Variants in SIGLEC1 observed in about 807,000 individuals in gnomAD.
The protein encoded by SIGLEC1 is sialoadhesin.
SIGLEC1 carries 132 observed loss-of-function variants against 148.0 expected under a neutral mutation model. The observed-to-expected ratio is 0.89, with a 90% CI of 0.77 to 1.03. SIGLEC1 has a LOEUF of 1.03. SIGLEC1 is among the 50% of genes least tolerant of loss of function. The pLI, the probability that SIGLEC1 is intolerant of heterozygous loss-of-function variation, is 0.00. For missense variants in SIGLEC1, 2,253 were observed against 2,271.4 expected (o/e 0.99, Z 0.16); for synonymous variants, 945 against 969.0 (o/e 0.98, Z 0.46).
chr20:3,708,438 GAA>G (rs58231262), intron 1 of SIGLEC1, among the ~76,000 whole-genome samples: 1 of 146,772 alleles, frequency 6.8e-6, no homozygotes, highest in African/African-American at 2.5e-5. Context: ...TTAAAAGCAC[GAA>G]AAAAAAAAAT....
chr20:3,702,640 G>T (rs2087861091), intron 6 of SIGLEC1, among the ~76,000 whole-genome samples: 1 of 151,926 alleles, frequency 6.6e-6, no homozygotes, highest in African/African-American at 2.4e-5. Flanking sequence ...CATGATCATT[G>T]CATTGTGGAT....
In SIGLEC1 at chr20:3,697,905, A is replaced by C; in HGVS notation, c.2015T>G (p.Leu672Arg). The change falls in exon 9 of 22, where the codon CTG becomes CGG. Residue 672 changes from leucine (L) to arginine (R), a missense_variant. Coordinates refer to ENST00000344754, the MANE Select transcript of SIGLEC1 (RefSeq NM_023068.4). ...RMKVTKAPNL[L>R]RVEIHNPLLE... ...CAAAGGGTTGTGAATCTCCACACGCAGCAAGTTGGGGGCTTTGGTGACCTT... is the reference window on the plus strand; with the variant it reads ...CAAAGGGTTGTGAATCTCCACACGCCGCAAGTTGGGGGCTTTGGTGACCTT... 6.2e-7 allele frequency: 1 copy of C among 1,613,130 alleles called. No homozygotes were observed. Among genetic ancestry groups the C allele is most frequent in the South Asian group, 1.1e-5 (1 of 91,080 alleles).
Position 3,693,498 on chromosome 20 carries a change from G to A in SIGLEC1, c.3457C>T (p.Pro1153Ser). The A allele has an allele frequency of 1.4e-5, 22 of 1,608,408 alleles. No individual in the cohort carries two copies. The highest frequency in any genetic ancestry group is 1.9e-5 in the Non-Finnish European group (22 of 1,176,950). Reference protein sequence around the residue: ...DATSYRCGVGPPGRAPRLSRP... With the variant: ...DATSYRCGVGSPGRAPRLSRP... ...GAGAGGCGGGGTGCCCGACCAGGGG[G>A]GCCCACACCGCAGCGGTAGGAGGTG... Residue 1153 changes from proline (P) to serine (S), a missense_variant, in exon 14 of 22, where the codon CCC (proline) becomes TCC (serine). Coordinates refer to ENST00000344754, the MANE Select transcript of SIGLEC1 (RefSeq NM_023068.4).
intron 21 of SIGLEC1, 55 bp from the exon 22 acceptor site, chr20:3,688,674 C>T: frequency 2.1e-6 from 3 of 1,399,872 alleles, no homozygotes; most frequent in East Asian, 2.5e-5. Context: ...AGGGCAGGCC[C>T]CCAGGCCCCC....
Position 3,706,451 on chromosome 20 carries a change from A to G in SIGLEC1, c.305T>C (p.Leu102Pro), listed in dbSNP as rs1229315511. Residue 102 changes from leucine to proline, a missense_variant, in exon 3 of 22, where the codon CTG becomes CCG. Leu to Pro is a moderately conservative substitution (Grantham distance 98, BLOSUM62 -3). Transcript: ENST00000344754. ...NPEHRVCNLL[L>P]KDLQPEDSGS... is the part of the protein sequence containing the mutation. ...AGAGTCCTCGGGCTGCAGGTCCTTC[A>G]GCAGCAGGTTGCACACCCTGTGCTC... 6.2e-7 allele frequency: 1 copy of G among 1,613,982 alleles called. No individual in the cohort carries two copies. The highest frequency in any genetic ancestry group is 8.5e-7 in the Non-Finnish European group (1 of 1,180,028).
intron 9 of SIGLEC1, 108 bp downstream of exon 9, chr20:3,697,690 C>A: frequency 2.0e-6 from 2 of 981,888 alleles, no homozygotes; most frequent in East Asian, 2.6e-5. Flanking sequence ...CAGCGAAGGG[C>A]CCCCACTGCT....
At position 3,694,758 on chromosome 20, in the gene SIGLEC1, A is replaced by T. The variant is rs1303991043; in HGVS notation, c.2849T>A (p.Ile950Lys). ...STSATLRFAA[I>K]TLTQAGAYHC... ...ATAGGCCCCAGCTTGTGTCAAAGTT[A>T]TGGCTGCAAAGCGGAGCGTGGCCGA... The change falls in exon 12 of 22, where the codon ATA (isoleucine) becomes AAA (lysine). Residue 950 changes from isoleucine to lysine, a missense_variant. Transcript: ENST00000344754. 1 of 1,613,724 alleles carries T rather than the reference A, an allele frequency of 6.2e-7. No individual in the cohort carries two copies.
intron 1 of SIGLEC1, among the ~76,000 whole-genome samples, chr20:3,711,527 C>T (rs1382442252): frequency 3.3e-5 from 5 of 152,184 alleles, no homozygotes; most frequent in East Asian, 1.9e-4. Flanking sequence ...AGGCTTCTCC[C>T]CAACTTCCCC....
chr20:3,696,689 C>T lies in SIGLEC1; in HGVS notation c.2580G>A (p.Lys860=). 6.2e-7 allele frequency: 1 copy of T among 1,613,816 alleles called. No individual in the cohort carries two copies. Among genetic ancestry groups the T allele is most frequent in the African/African-American group, 1.3e-5 (1 of 75,070 alleles). ...CAAGGCCCAGTTCTCGGACCTCTAA[C>T]TTCAGGGAGTTGGCCTCAGCTTTAG... ...FQAKAEANSL[K]LEVRELGLGD... Residue 860 remains lysine, a synonymous_variant, in exon 11 of 22, where the codon AAG becomes AAA. Transcript: ENST00000344754.
intron 6 of SIGLEC1, among the ~76,000 whole-genome samples, chr20:3,702,348 G>A (rs1439892368): frequency 1.3e-5 from 2 of 152,184 alleles, no homozygotes; most frequent in Admixed American, 1.3e-4. Context: ...TACTTTGGGA[G>A]GCCGAGGTAG....
At position 3,689,618 on chromosome 20, in the gene SIGLEC1, C is replaced by A; in HGVS notation, c.4979G>T (p.Gly1660Val). Residue 1660 changes from glycine to valine, a missense_variant, in exon 20 of 22, where the codon GGG becomes GTG. Physicochemically the swap from Gly to Val is moderately radical, Grantham distance 109. Transcript: ENST00000344754. ...VGLLLLLLGL[G>V]ACYTWRRRRV... ...GACCCACCTCCAGGTGTAGCAGGCC[C>A]CCAGGCCCAACAGCAGGAGCAGGAG... 1 of 1,583,848 alleles carries A rather than the reference C, an allele frequency of 6.3e-7. No homozygotes were observed. The highest frequency in any genetic ancestry group is 8.6e-7 in the Non-Finnish European group (1 of 1,165,026).
chr20:3,694,306 A>G lies in SIGLEC1; in HGVS notation c.3171T>C (p.Ala1057=). ...TATAGACACCCTCATCCTCCAGCATAGCCCCGTGGATCTCCAGACGCAGTG... is the reference window on the plus strand; with the variant it reads ...TATAGACACCCTCATCCTCCAGCATGGCCCCGTGGATCTCCAGACGCAGTG... ...PNTLRLEIHG[A]MLEDEGVYIC... Residue 1057 remains alanine, a synonymous_variant, in exon 13 of 22, where the codon GCT becomes GCC. Transcript: ENST00000344754. The G allele has an allele frequency of 1.2e-6, 2 of 1,613,052 alleles. No homozygotes were observed. Among genetic ancestry groups the G allele is most frequent in the Non-Finnish European group, 1.7e-6 (2 of 1,179,998 alleles).
At chr20:3,703,560 A>C (rs1364750276) in intron 5 of SIGLEC1, 109 bp from the exon 6 acceptor site, 1 of 1,356,944 alleles carries the variant, frequency 7.4e-7, no homozygotes, top group Non-Finnish European at 9.9e-7. Context: ...CACATCCTAC[A>C]CCACCCGCCT....
Position 3,688,574 on chromosome 20 carries a change from G to A in SIGLEC1, c.5116C>T (p.Pro1706Ser), listed in dbSNP as rs368614002. 4.4e-6 allele frequency: 7 copies of A among 1,601,392 alleles called. No homozygotes were observed. Among genetic ancestry groups the A allele is most frequent in the Non-Finnish European group, 6.0e-6 (7 of 1,173,638 alleles). The change falls in exon 22 of 22, where the codon CCA becomes TCA. Residue 1706 changes from proline to serine, a missense_variant. Pro to Ser is a moderately conservative substitution (Grantham distance 74). Coordinates refer to ENST00000344754, the MANE Select transcript of SIGLEC1 (RefSeq NM_023068.4). ...AACACCACTGGTCAGCCCAGGGGTG[G>A]GGCACAGGTTGAGGTCTCACATGTG... ...AATCETSTCA[P>S]PLG
At chr20:3,706,808 C>T in intron 2 of SIGLEC1, 102 bp from the exon 3 acceptor site, 1 of 1,372,482 alleles carries the variant, frequency 7.3e-7, no homozygotes, top group Non-Finnish European at 9.7e-7. Flanking sequence ...CAGCTGGGCT[C>T]CCAAATTCTG....
In SIGLEC1 at chr20:3,707,144, T is replaced by C. The variant is rs763907178; in HGVS notation, c.-16A>G. On this transcript the variant is annotated 5_prime_UTR_variant, in exon 2 of 22. Transcript: ENST00000344754. Reference sequence around the variant, plus strand: ...AGAAGCCCATAGCAGGTTCTTGTGCTGCTCCTGTTGCCTAAGAGGGTGGTG... The same window carrying C: ...AGAAGCCCATAGCAGGTTCTTGTGCCGCTCCTGTTGCCTAAGAGGGTGGTG... 1 of 1,613,472 alleles carries C rather than the reference T, an allele frequency of 6.2e-7. No homozygotes were observed. The highest frequency in any genetic ancestry group is 8.5e-7 in the Non-Finnish European group (1 of 1,179,618).
Position 3,699,526 on chromosome 20 carries a change from A to G in SIGLEC1, c.1529-67T>C, listed in dbSNP as rs2087833289. 6.5e-6 allele frequency: 10 copies of G among 1,543,258 alleles called. No individual in the cohort carries two copies. In the East Asian group the frequency reaches 2.4e-4, roughly 37 times the overall value. The stretch of plus-strand genomic sequence containing the variant: ...ACCCCACATGCTGCCCTATATAGAA[A>G]GCCTTCCAGGGTTCTCCTTTCCCCA... On this transcript the variant is annotated intron_variant, in intron 7 of 21. Transcript: ENST00000344754.
At chr20:3,695,634 A>AC (rs1256250730) in intron 11 of SIGLEC1, among the ~76,000 whole-genome samples, 1 of 152,116 alleles carries the variant, frequency 6.6e-6, no homozygotes, top group African/African-American at 2.4e-5. Context: ...TAAAACTCAA[A>AC]CCTTCAATTT....
rs892869286 is a variant in SIGLEC1 at position 3,703,515 on chromosome 20, G to A, written c.974-64C>T. The A allele has an allele frequency of 2.4e-5, 36 of 1,520,822 alleles. No individual in the cohort carries two copies. The East Asian group carries it at 3.4e-4, about 14-fold the overall frequency. The allele number at this position is 1,520,822 out of a possible 1,614,324, so 94.2% of individuals were successfully genotyped here. A position where few individuals can be genotyped will look rare whatever the true frequency, so the allele number is the denominator to read the frequency against. On this transcript the variant is annotated intron_variant, in intron 5 of 21. Transcript: ENST00000344754. ...CAACTTCCAGCCCCAGCCCCATACA[G>A]TCCCCGGGTCTCAGCCAATCAGCCT...
Sources: gnomAD v4.1 joint callset for allele counts (sites outside exome capture counted in the v4.1 genomes callset) on GRCh38, gnomAD v4.1.1 for gene constraint, MANE v1.5 for transcripts, NCBI Gene and HGNC (gene_info 2026-07-23, HGNC 2026-07-21) for gene names.